The following PARD3B variants were observed in gnomAD, a reference collection of about 807,000 sequenced individuals.
PARD3B encodes partitioning defective 3 homolog B.
Under a neutral mutation model 130.2 loss-of-function variants are expected in PARD3B, and 103 were observed. The ratio of observed to expected loss-of-function variants is 0.79; its 90% confidence interval spans 0.67 to 0.93. The LOEUF is 0.93. PARD3B is among the 40% of genes least tolerant of loss of function. PARD3B has a pLI of 0.00. For synonymous variants in PARD3B, 583 were observed against 553.2 expected (o/e 1.05, Z -0.76); for missense variants, 1,609 against 1,499.2 (o/e 1.07, Z -1.21).
At chr2:204,665,713 A>G (rs541097099) in intron 1 of PARD3B, among the ~76,000 whole-genome samples, 6 of 152,330 alleles carry the variant, frequency 3.9e-5, no homozygotes, top group Admixed American at 2.0e-4. Context: ...GTGACCTCTA[A>G]CTGGTAATTT....
chr2:204,784,957 A>G (rs534980906), intron 2 of PARD3B, among the ~76,000 whole-genome samples: 114 of 152,204 alleles, frequency 7.5e-4, no homozygotes, highest in Middle Eastern at 3.2e-3. Context: ...GTCTATGACC[A>G]TGAAAGAAAT....
At chr2:205,579,724 C>T (rs2053896852) in intron 22 of PARD3B, among the ~76,000 whole-genome samples, 3 of 152,176 alleles carry the variant, frequency 2.0e-5, no homozygotes, top group Non-Finnish European at 4.4e-5. Flanking sequence ...CTAATTGAAA[C>T]GACAGCATAT....
At chr2:204,790,353 G>T (rs1042052113) in intron 2 of PARD3B, among the ~76,000 whole-genome samples, 3 of 152,160 alleles carry the variant, frequency 2.0e-5, no homozygotes, top group East Asian at 1.9e-4. Flanking sequence ...ATGAAGAGGG[G>T]TTTTTTATAG....
intron 2 of PARD3B, among the ~76,000 whole-genome samples, chr2:204,764,596 A>G (rs2041054464): frequency 1.3e-5 from 2 of 152,120 alleles, no homozygotes; most frequent in South Asian, 4.1e-4. Context: ...TTGAAAGAAA[A>G]CAAACTTTGA....
intron 18 of PARD3B, among the ~76,000 whole-genome samples, chr2:205,348,827 T>G (rs1559688273): frequency 1.3e-5 from 2 of 152,146 alleles, no homozygotes; most frequent in Admixed American, 6.5e-5. Flanking sequence ...AGGGAGATTT[T>G]TATTGTACAC....
chr2:205,604,136 G>T (rs116559420), intron 22 of PARD3B, among the ~76,000 whole-genome samples: 1,543 of 152,290 alleles, frequency 0.01, 8 homozygotes, highest in Middle Eastern at 0.02. Flanking sequence ...TATATCCTGG[G>T]TTGGAAATTC....
At chr2:205,419,692 C>G (rs964892913) in intron 19 of PARD3B, among the ~76,000 whole-genome samples, 10 of 152,134 alleles carry the variant, frequency 6.6e-5, no homozygotes, top group Admixed American at 1.3e-4. Flanking sequence ...TCTGAACACT[C>G]CACTAGCCAG....
intron 1 of PARD3B, among the ~76,000 whole-genome samples, chr2:204,640,458 G>A (rs1381244777): frequency 6.6e-6 from 1 of 152,130 alleles, no homozygotes; most frequent in Non-Finnish European, 1.5e-5. Flanking sequence ...CCTCCCTGTG[G>A]GGTTGGCTGC....
intron 22 of PARD3B, among the ~76,000 whole-genome samples, chr2:205,605,562 G>A (rs780235474): frequency 6.6e-6 from 1 of 152,188 alleles, no homozygotes; most frequent in Non-Finnish European, 1.5e-5. Context: ...GGTTTCTCCT[G>A]CACCTGGAAG....
At chr2:204,600,076 A>G (rs200451433) in intron 1 of PARD3B, among the ~76,000 whole-genome samples, 1 of 150,924 alleles carries the variant, frequency 6.6e-6, no homozygotes, top group Non-Finnish European at 1.5e-5. Flanking sequence ...ATTTATTTTG[A>G]ATATTAATCC....
chr2:204,708,139 A>G (rs1478754247), intron 2 of PARD3B, among the ~76,000 whole-genome samples: 1 of 152,050 alleles, frequency 6.6e-6, no homozygotes, highest in Non-Finnish European at 1.5e-5. Flanking sequence ...AAAATATTCT[A>G]ATTATAGAGA....
At chr2:204,824,496 A>G (rs938852880) in intron 2 of PARD3B, among the ~76,000 whole-genome samples, 3 of 152,130 alleles carry the variant, frequency 2.0e-5, no homozygotes, top group African/African-American at 7.2e-5. Context: ...TAGTCCCTAT[A>G]TTAAGCCCTC....
At chr2:204,549,294 A>G (rs1024147771) in intron 1 of PARD3B, among the ~76,000 whole-genome samples, 4 of 152,264 alleles carry the variant, frequency 2.6e-5, no homozygotes, top group African/African-American at 9.6e-5. Flanking sequence ...CCGAATCCTG[A>G]CACTTTATCA....
At chr2:205,016,786 C>T (rs1696181429) in intron 3 of PARD3B, among the ~76,000 whole-genome samples, 1 of 152,098 alleles carries the variant, frequency 6.6e-6, no homozygotes, top group Non-Finnish European at 1.5e-5. Context: ...AAATTCCTTC[C>T]TACTCAACTG....
chr2:205,023,476 TAAAG>T (rs1696778894), intron 3 of PARD3B, among the ~76,000 whole-genome samples: 1 of 131,210 alleles, frequency 7.6e-6, no homozygotes. Context: ...TTTTTTTTGG[TAAAG>T]AAGCTACTTT....
rs1192113024 is a variant in PARD3B, at chr2:205,592,373, G to C, written c.3261-23083G>C. On this transcript the variant is annotated intron_variant, in intron 22 of 22. Transcript: ENST00000406610. This position sits in a 1 kb window ranked among gnomAD's most constrained non-coding sequence, Gnocchi z 4.5. ...AAAGGGATGAGGCTGAAACTCAAAT[G>C]AGTACCCATTTAAAGAAAAGAAAAC... Among the ~76,000 whole-genome samples the C allele has an allele frequency of 2.6e-5, 4 of 152,116 alleles. No individual in the cohort carries two copies. Among genetic ancestry groups the C allele is most frequent in the Non-Finnish European group, 5.9e-5 (4 of 68,024 alleles).
intron 2 of PARD3B, among the ~76,000 whole-genome samples, chr2:204,699,842 C>T (rs2037807244): frequency 6.6e-6 from 1 of 152,028 alleles, no homozygotes; most frequent in Admixed American, 6.6e-5. Flanking sequence ...AAATATTTTG[C>T]ATTTAACAGA....
chr2:204,589,841 C>A (rs2033000350), intron 1 of PARD3B, among the ~76,000 whole-genome samples: 1 of 152,138 alleles, frequency 6.6e-6, no homozygotes, highest in African/African-American at 2.4e-5. Flanking sequence ...TGCTTTTGAG[C>A]AAATCAACTT....
At chr2:204,670,681 A>C (rs2036257986) in intron 1 of PARD3B, among the ~76,000 whole-genome samples, 1 of 152,062 alleles carries the variant, frequency 6.6e-6, no homozygotes, top group South Asian at 2.1e-4. Flanking sequence ...TTGTTTCCTA[A>C]AATTATTGTT....
Sources: gnomAD v4.1 joint callset for allele counts (sites outside exome capture counted in the v4.1 genomes callset) on GRCh38, gnomAD v4.1.1 for gene constraint, Gnocchi (gnomAD v3.1) non-coding constraint, MANE v1.5 for transcripts, NCBI Gene and HGNC (gene_info 2026-07-23, HGNC 2026-07-21) for gene names.